PC: variants seen among roughly 807,000 people sequenced by gnomAD.
PC encodes the protein pyruvate carboxylase, also known as pyruvate carboxylase, mitochondrial.
In PC, 46 loss-of-function variants were observed where a neutral mutation model predicts 107.8. The observed-to-expected ratio is 0.43, with a 90% CI of 0.34 to 0.55. PC has a LOEUF of 0.55. Among genes scored for constraint, PC ranks in the 20% least tolerant of loss-of-function variants. The pLI, the probability that PC is intolerant of heterozygous loss-of-function variation, is 0.04. For synonymous variants in PC, 662 were observed against 684.7 expected, an observed-to-expected ratio of 0.97 and a Z score of 0.52; for missense variants, 1,241 against 1,643.1, an observed-to-expected ratio of 0.76 and a Z score of 4.23.
chr11:66,877,745 T>C (rs186568624), intron 3 of PC, among the ~76,000 whole-genome samples: 1 of 152,346 alleles, frequency 6.6e-6, no homozygotes, highest in African/African-American at 2.4e-5. Flanking sequence ...CCATTAACAA[T>C]AATGTGTTTG....
chr11:66,879,809 G>A (rs550017099), intron 3 of PC, among the ~76,000 whole-genome samples: 5 of 152,202 alleles, frequency 3.3e-5, no homozygotes, highest in Non-Finnish European at 7.3e-5. Flanking sequence ...AGACGGGAGG[G>A]CAGGTTTCTG....
chr11:66,907,265 C>G (rs1465279041), intron 3 of PC, among the ~76,000 whole-genome samples: 1 of 152,218 alleles, frequency 6.6e-6, no homozygotes, highest in Non-Finnish European at 1.5e-5. Flanking sequence ...CAGTGGTTCA[C>G]GCCTGTAATC....
intron 3 of PC, among the ~76,000 whole-genome samples, chr11:66,872,361 G>A (rs952357127): frequency 1.3e-5 from 2 of 152,110 alleles, no homozygotes; most frequent in African/African-American, 4.8e-5. Flanking sequence ...AGCTCAGCCT[G>A]ATATCCTAAC....
intron 12 of PC, chr11:66,859,077 G>A: frequency 3.4e-6 from 5 of 1,490,440 alleles, no homozygotes; most frequent in Non-Finnish European, 3.6e-6. Context: ...CAGCGAAGAT[G>A]AGACCCTCAT....
chr11:66,881,254 C>T (rs1234193813), intron 3 of PC, among the ~76,000 whole-genome samples: 2 of 152,244 alleles, frequency 1.3e-5, no homozygotes, highest in Non-Finnish European at 2.9e-5. Context: ...TGCCAGCTGA[C>T]AGATCCCTTT....
intron 3 of PC, among the ~76,000 whole-genome samples, chr11:66,889,169 T>C (rs1947476055): frequency 6.6e-6 from 1 of 152,066 alleles, no homozygotes; most frequent in East Asian, 1.9e-4. Flanking sequence ...AGTGGGTACA[T>C]GTGTGGGGCA....
At chr11:66,909,078 G>A (rs1948255882) in intron 3 of PC, among the ~76,000 whole-genome samples, 1 of 152,222 alleles carries the variant, frequency 6.6e-6, no homozygotes, top group African/African-American at 2.4e-5. Flanking sequence ...GTGGGAAATG[G>A]CAGAAAGTCC....
At chr11:66,864,341 A>G (rs1946403214) in intron 11 of PC, among the ~76,000 whole-genome samples, 1 of 152,206 alleles carries the variant, frequency 6.6e-6, no homozygotes, top group African/African-American at 2.4e-5. Context: ...CGTTCGTTCC[A>G]CAGCACGGAT....
At chr11:66,955,815 C>T (rs990982017) in intron 1 of PC, among the ~76,000 whole-genome samples, 2 of 151,632 alleles carry the variant, frequency 1.3e-5, no homozygotes, top group South Asian at 2.1e-4. Context: ...TGCTGTCGCC[C>T]AGGCTGGAGT....
Position 66,884,357 on chromosome 11 carries a change from A to T in PC, c.1-12198T>A, listed in dbSNP as rs917657674. Among the ~76,000 whole-genome samples the T allele has an allele frequency of 1.3e-5, 2 of 151,664 alleles. 1 individual carries two copies. The highest frequency in any genetic ancestry group is 4.9e-5 in the African/African-American group (2 of 41,236). ...AACCTAGAAGGTTGAAGCTGCAGTG[A>T]GCCATGATGGTCCCAGTGCACTCCA... On this transcript the variant is annotated intron_variant, in intron 3 of 22. Coordinates refer to ENST00000393960, the MANE Select transcript of PC (RefSeq NM_001040716.2).
chr11:66,859,983 C>T (rs1170055129), intron 12 of PC: 1 of 1,600,954 alleles, frequency 6.2e-7, no homozygotes, highest in Non-Finnish European at 8.5e-7. Context: ...AGGCCCCAGC[C>T]CCACACCCAA....
chr11:66,855,114 C>T (rs761758233), intron 12 of PC, among the ~76,000 whole-genome samples: 5 of 152,222 alleles, frequency 3.3e-5, no homozygotes, highest in African/African-American at 4.8e-5. Context: ...CACAGACACA[C>T]GCTGAAGGTC....
rs371129300 is a variant in PC at position 66,851,975 on chromosome 11, G to C, written c.1826-29C>G. 3.7e-6 allele frequency: 6 copies of C among 1,611,818 alleles called. No individual in the cohort carries two copies. In the African/African-American group the frequency reaches 4.0e-5, roughly 11 times the overall value. On this transcript the variant is annotated intron_variant, in intron 15 of 22. Transcript: ENST00000393960. ...CACAGGAACCGAGAGGCCCAGATCA[G>C]CTCTGCATGCCTGGGGAACTCCACC... is the stretch of plus-strand genomic sequence containing the variant.
chr11:66,923,816 G>A (rs571681043), intron 3 of PC, among the ~76,000 whole-genome samples: 16 of 148,770 alleles, frequency 1.1e-4, no homozygotes, highest in Non-Finnish European at 2.1e-4. Flanking sequence ...CACCATGCCC[G>A]GCCAATACAA....
chr11:66,901,886 T>TA (rs1947968438), intron 3 of PC, among the ~76,000 whole-genome samples: 1 of 152,210 alleles, frequency 6.6e-6, no homozygotes, highest in South Asian at 2.1e-4. Flanking sequence ...CTTGGCTATT[T>TA]AATTCAATTT....
chr11:66,909,251 G>A (rs1370595205), intron 3 of PC, among the ~76,000 whole-genome samples: 1 of 152,206 alleles, frequency 6.6e-6, no homozygotes, highest in Non-Finnish European at 1.5e-5. Context: ...TGTGCTGCTG[G>A]TGTGGGGCCA....
At position 66,870,231 on chromosome 11, in the gene PC, G is replaced by A; in HGVS notation, c.903+71C>T. Reference sequence around the variant, plus strand: ...GACTCAGGGTCCCCTTCCCCAACCAGCGCCCCACTGTGAGGCCTGCCGGCC... The same window carrying A: ...GACTCAGGGTCCCCTTCCCCAACCAACGCCCCACTGTGAGGCCTGCCGGCC... On this transcript the variant is annotated intron_variant, in intron 9 of 22. Transcript: ENST00000393960. This position sits in a 1 kb window ranked among gnomAD's most constrained non-coding sequence, Gnocchi z 6.1. 1 of 1,585,640 alleles carries A rather than the reference G, an allele frequency of 6.3e-7. No individual in the cohort carries two copies.
Position 66,871,014 on chromosome 11 carries a change from GC to G in PC, c.633+37del. On this transcript the variant is annotated intron_variant, in intron 7 of 22. Coordinates refer to ENST00000393960, the MANE Select transcript of PC (RefSeq NM_001040716.2). The surrounding 1 kb of genome is among the most constrained non-coding windows in gnomAD (Gnocchi z 7.4). ...TCCGCCCCTGCCCCCACGGCAGGCTGCCCTGCCCTGCTCCCAGCCCTGGGCA... is the reference window on the plus strand; with the variant it reads ...TCCGCCCCTGCCCCCACGGCAGGCTGCCTGCCCTGCTCCCAGCCCTGGGCA... The G allele has an allele frequency of 6.2e-7, 1 of 1,612,380 alleles. No homozygotes were observed. Among genetic ancestry groups the G allele is most frequent in the Non-Finnish European group, 8.5e-7 (1 of 1,178,928 alleles).
chr11:66,876,849 G>A (rs1946998214), intron 3 of PC, among the ~76,000 whole-genome samples: 1 of 152,206 alleles, frequency 6.6e-6, no homozygotes, highest in African/African-American at 2.4e-5. Flanking sequence ...GCAAAGTCAG[G>A]AAGAGGCGAG....
Sources: allele counts gnomAD v4.1 joint callset (sites outside exome capture counted in the v4.1 genomes callset), GRCh38; gene constraint gnomAD v4.1.1; non-coding constraint Gnocchi (gnomAD v3.1); transcripts MANE v1.5; gene names NCBI Gene and HGNC (gene_info 2026-07-23, HGNC 2026-07-21).